TRHDE: variants seen among roughly 807,000 people sequenced by gnomAD.
TRHDE encodes the protein thyrotropin releasing hormone degrading enzyme.
TRHDE carries 72 observed loss-of-function variants against 125.7 expected under a neutral mutation model. The ratio of observed to expected loss-of-function variants is 0.57; its 90% CI spans 0.47 to 0.70. TRHDE has a LOEUF of 0.70. Among genes scored for constraint, TRHDE ranks in the 30% least tolerant of loss-of-function variants. The pLI, the probability that TRHDE is intolerant of heterozygous loss-of-function variation, is 0.00. For missense variants in TRHDE, 1,110 were observed against 1,327.1 expected (o/e 0.84, Z 2.54); for synonymous variants, 509 against 509.1 (o/e 1.00, Z 0.00).
At chr12:72,202,264 G>A (rs1877574795) in intron 2 of TRHDE, among the ~76,000 whole-genome samples, 1 of 152,300 alleles carries the variant, frequency 6.6e-6, no homozygotes, top group Middle Eastern at 3.4e-3. Flanking sequence ...CCAGTGGGGA[G>A]CCTTGACAGG....
At chr12:72,649,459 T>C (rs1874417341) in intron 15 of TRHDE, among the ~76,000 whole-genome samples, 1 of 151,928 alleles carries the variant, frequency 6.6e-6, no homozygotes, top group South Asian at 2.1e-4. Context: ...AAAGAAATCA[T>C]AGGGGAAAAC....
At chr12:72,631,117 C>G (rs36018780) in intron 15 of TRHDE, among the ~76,000 whole-genome samples, 1 of 151,068 alleles carries the variant, frequency 6.6e-6, no homozygotes, top group African/African-American at 2.4e-5. Context: ...TTATTTCATC[C>G]TGAGATATAC....
At chr12:72,104,874 C>T (rs1875148250) in intron 1 of TRHDE, among the ~76,000 whole-genome samples, 1 of 152,162 alleles carries the variant, frequency 6.6e-6, no homozygotes, top group Non-Finnish European at 1.5e-5. Context: ...AGAAGTAGAG[C>T]ATCCATATTT....
At chr12:72,634,584 C>T (rs1206704773) in intron 15 of TRHDE, among the ~76,000 whole-genome samples, 1 of 151,848 alleles carries the variant, frequency 6.6e-6, no homozygotes. Context: ...ATGTGCCATG[C>T]TGGTACGCTG....
chr12:72,639,238 G>C (rs886348675), intron 15 of TRHDE, among the ~76,000 whole-genome samples: 1 of 151,586 alleles, frequency 6.6e-6, no homozygotes, highest in Non-Finnish European at 1.5e-5. Context: ...TTCCTTTCTC[G>C]CTTCATTTCA....
intron 3 of TRHDE, among the ~76,000 whole-genome samples, chr12:72,439,861 T>C (rs1012241026): frequency 4.0e-5 from 6 of 151,842 alleles, no homozygotes; most frequent in African/African-American, 1.4e-4. Context: ...CCTGACATAA[T>C]AGCATACCAC....
chr12:72,265,624 G>T (rs1398269003), intron 2 of TRHDE, among the ~76,000 whole-genome samples: 5 of 151,278 alleles, frequency 3.3e-5, no homozygotes, highest in African/African-American at 1.2e-4. Context: ...AGTACCTGAA[G>T]AAAAAAATCA....
intron 12 of TRHDE, among the ~76,000 whole-genome samples, chr12:72,596,829 A>C (rs1465206438): frequency 6.6e-6 from 1 of 152,156 alleles, no homozygotes; most frequent in Non-Finnish European, 1.5e-5. Flanking sequence ...ATGAATGTAG[A>C]AGAAGGAGGA....
At chr12:72,158,353 A>G (rs370258517) in intron 2 of TRHDE, among the ~76,000 whole-genome samples, 3 of 151,502 alleles carry the variant, frequency 2.0e-5, no homozygotes, top group South Asian at 4.1e-4. Flanking sequence ...TATAATATAT[A>G]TGTTTCATAC....
At chr12:72,405,899 C>T (rs1159174793) in intron 3 of TRHDE, among the ~76,000 whole-genome samples, 2 of 152,168 alleles carry the variant, frequency 1.3e-5, no homozygotes, top group Admixed American at 6.5e-5. Context: ...TACCTTTGCA[C>T]AAACCTTTGC....
chr12:72,353,883 T>C (rs940830270), intron 2 of TRHDE, among the ~76,000 whole-genome samples: 1 of 137,580 alleles, frequency 7.3e-6, no homozygotes, highest in African/African-American at 2.5e-5. Flanking sequence ...GTAGATCTTA[T>C]GGAAATTGAG....
intron 3 of TRHDE, among the ~76,000 whole-genome samples, chr12:72,440,472 C>A (rs1874952472): frequency 6.6e-6 from 1 of 151,398 alleles, no homozygotes; most frequent in African/African-American, 2.4e-5. Flanking sequence ...TTTTTGCAAA[C>A]TGTTTTTCGT....
At chr12:72,105,712 T>C (rs1033617101) in exon 2 of TRHDE, 1 of 152,156 alleles carries the variant, frequency 6.6e-6, no homozygotes, top group Non-Finnish European at 1.5e-5. Flanking sequence ...GCAGTCTGAC[T>C]CCAAGTCTGT....
intron 12 of TRHDE, among the ~76,000 whole-genome samples, chr12:72,612,762 G>T (rs958276899): frequency 6.6e-6 from 1 of 152,120 alleles, no homozygotes; most frequent in African/African-American, 2.4e-5. Flanking sequence ...CTAAAAAGTA[G>T]TTGACTTGGG....
At chr12:72,101,302 G>T (rs879862610) in intron 1 of TRHDE, among the ~76,000 whole-genome samples, 2 of 152,188 alleles carry the variant, frequency 1.3e-5, no homozygotes, top group African/African-American at 4.8e-5. Context: ...TATAGGTGGG[G>T]TGATTATATT....
At chr12:72,110,903 C>T (rs1016399171) in intron 2 of TRHDE, among the ~76,000 whole-genome samples, 5 of 152,092 alleles carry the variant, frequency 3.3e-5, no homozygotes, top group South Asian at 4.1e-4. Flanking sequence ...AGTACAATTC[C>T]GATGTGCTCA....
chr12:72,303,030 A>G (rs554170580), intron 2 of TRHDE: 1 of 152,304 alleles, frequency 6.6e-6, no homozygotes, highest in Non-Finnish European at 1.5e-5. Context: ...TGCTTGAATA[A>G]TGACTTTGGT....
chr12:72,534,504 A>T (rs1304441573), intron 6 of TRHDE, among the ~76,000 whole-genome samples: 5 of 152,254 alleles, frequency 3.3e-5, no homozygotes, highest in Admixed American at 1.3e-4. Flanking sequence ...CCAGTGAAAG[A>T]TATATGCTGA....
At chr12:72,596,332 A>G (rs1871937891) in intron 12 of TRHDE, among the ~76,000 whole-genome samples, 1 of 152,146 alleles carries the variant, frequency 6.6e-6, no homozygotes, top group Non-Finnish European at 1.5e-5. Flanking sequence ...ATTCTTCGTC[A>G]AATCATAGCT....
Sources: gnomAD v4.1 joint callset for allele counts (sites outside exome capture counted in the v4.1 genomes callset) on GRCh38, gnomAD v4.1.1 for gene constraint, MANE v1.5 for transcripts, NCBI Gene and HGNC (gene_info 2026-07-23, HGNC 2026-07-21) for gene names.